Variants in SLC49A3 observed in about 807,000 individuals in gnomAD.
SLC49A3 encodes the protein solute carrier family 49 member 3.
SLC49A3 carries 50 observed loss-of-function variants against 43.8 expected under a neutral mutation model. The observed-to-expected ratio is 1.14, with a 90% CI of 0.91 to 1.45. SLC49A3 has a LOEUF of 1.45. Ranked by LOEUF, SLC49A3 falls within the 40% of genes most tolerant of loss-of-function variation. The pLI is 0.00. For missense variants in SLC49A3, 906 were observed against 774.1 expected (o/e 1.17, Z -2.02); for synonymous variants, 413 against 352.0 (o/e 1.17, Z -1.94).
rs1560168380 is a variant in SLC49A3, at chr4:683,770, G to A, written c.841-9C>T. ...CAGAGGCCGGAAAACCCCTGGAGGA[G>A]GCGAGAAGAGGCCAGGGCCCCAAGA... On this transcript the variant is annotated splice_polypyrimidine_tract_variant and intron_variant, in intron 6 of 9. Transcript: ENST00000322224. 2 of 1,552,052 alleles carry A rather than the reference G, an allele frequency of 1.3e-6. No homozygotes were observed. The highest frequency in any genetic ancestry group is 2.4e-5 in the East Asian group (1 of 41,414).
downstream of SLC49A3, chr4:681,131 G>T: frequency 2.5e-6 from 4 of 1,606,636 alleles, no homozygotes; most frequent in Non-Finnish European, 3.4e-6. Context: ...ACAAGATGAC[G>T]GCGGAAGAGG....
downstream of SLC49A3, among the ~76,000 whole-genome samples, chr4:679,735 G>T (rs1187263138): frequency 6.6e-6 from 1 of 152,200 alleles, no homozygotes; most frequent in African/African-American, 2.4e-5. Context: ...ACGGTTTGGG[G>T]TGAGGTGGAC....
chr4:685,209 A>G lies in SLC49A3; in HGVS notation c.586-353T>C. On this transcript the variant is annotated intron_variant, in intron 4 of 9. Coordinates refer to ENST00000322224, the MANE Select transcript of SLC49A3 (RefSeq NM_032219.4). This position sits in a 1 kb window ranked among gnomAD's most constrained non-coding sequence, Gnocchi z 4.3. Reference sequence around the variant, plus strand: ...CAGAGGCACACGTGCATACAGACTCACGCTCAGTACATACCCCCAAGCACA... The same window carrying G: ...CAGAGGCACACGTGCATACAGACTCGCGCTCAGTACATACCCCCAAGCACA... The G allele has an allele frequency of 2.7e-6, 1 of 374,314 alleles. No homozygotes were observed. Among genetic ancestry groups the G allele is most frequent in the South Asian group, 3.0e-5 (1 of 33,714 alleles). The allele number at this position is 374,314 out of a possible 1,614,324, so 23.2% of individuals were successfully genotyped here. A position where few individuals can be genotyped will look rare whatever the true frequency, so the allele number is the denominator to read the frequency against.
downstream of SLC49A3, chr4:680,163 C>T (rs1484779148): frequency 2.4e-5 from 19 of 792,710 alleles, no homozygotes; most frequent in African/African-American, 3.5e-5. Context: ...TGTGGGGCCC[C>T]GTCAGCCACC....
In SLC49A3 at chr4:682,058, G is replaced by A; in HGVS notation, c.1580C>T (p.Pro527Leu). Residue 527 changes from proline to leucine, a missense_variant, in exon 10 of 10, where the codon CCC (proline) becomes CTC (leucine). Pro to Leu is a moderately conservative substitution (Grantham distance 98). Coordinates refer to ENST00000322224, the MANE Select transcript of SLC49A3 (RefSeq NM_032219.4). ...GCCTGCGAGTCTGCCGGGGCGGGAG[G>A]GCGCGTCGGTGGCTGCTGGGCCTTG... is the stretch of plus-strand genomic sequence containing the variant. ...RAQGPAATDAPSRPGRLAGRV... is the reference protein window; with the variant it reads ...RAQGPAATDALSRPGRLAGRV... 1.4e-6 allele frequency: 2 copies of A among 1,413,864 alleles called. No individual in the cohort carries two copies. Among genetic ancestry groups the A allele is most frequent in the African/African-American group, 1.5e-5 (1 of 67,318 alleles). 87.6% of individuals were successfully genotyped at this position (1,413,864 alleles called of 1,614,324 possible). A position where few individuals can be genotyped will look rare whatever the true frequency, so the allele number is the denominator to read the frequency against.
chr4:689,949 G>A (rs1741736792), upstream of SLC49A3, among the ~76,000 whole-genome samples: 1 of 152,264 alleles, frequency 6.6e-6, no homozygotes, highest in East Asian at 1.9e-4. Context: ...GCTGAGGCCA[G>A]TATAGGGGTG....
Position 686,282 on chromosome 4 carries a change from C to G in SLC49A3, c.315G>C (p.Leu105=). The change falls in exon 3 of 10, where the codon CTG becomes CTC. Residue 105 remains leucine (L), a synonymous_variant. Coordinates refer to ENST00000322224, the MANE Select transcript of SLC49A3 (RefSeq NM_032219.4). ...LRAATILGAW[L]NFAGSVLRMV... ...TGCGTAGCACACTCCCGGCAAAGTT[C>G]AGCCACGCACCCAGGATGGTCTGCG... 1.9e-6 allele frequency: 3 copies of G among 1,613,322 alleles called. No individual in the cohort carries two copies. The highest frequency in any genetic ancestry group is 2.5e-6 in the Non-Finnish European group (3 of 1,180,012).
chr4:682,916 C>T lies in SLC49A3; in HGVS notation c.1152-26G>A, dbSNP rs371158058. ...CTGGACACACGTGGCCCTCAGCCCCCGCTGCACTGCCCACCCCCTCGGAGC... is the reference window on the plus strand; with the variant it reads ...CTGGACACACGTGGCCCTCAGCCCCTGCTGCACTGCCCACCCCCTCGGAGC... On this transcript the variant is annotated intron_variant, in intron 8 of 9. Coordinates refer to ENST00000322224, the MANE Select transcript of SLC49A3 (RefSeq NM_032219.4). The T allele has an allele frequency of 2.2e-5, 34 of 1,538,558 alleles. No homozygotes were observed. In the South Asian group the frequency reaches 2.4e-4, roughly 11 times the overall value.
chr4:684,922 C>T, intron 4 of SLC49A3, 66 bp from the exon 5 acceptor site: 1 of 1,541,162 alleles, frequency 6.5e-7, no homozygotes, highest in Non-Finnish European at 8.7e-7. Flanking sequence ...CGCAGCCCTG[C>T]CTGTCCCAGG....
chr4:678,769 A>T (rs746987345), downstream of SLC49A3: 5 of 1,609,216 alleles, frequency 3.1e-6, no homozygotes, highest in East Asian at 8.9e-5. Flanking sequence ...CAAGGAGGTG[A>T]GACTTTCCTG....
chr4:686,487 C>T, intron 2 of SLC49A3, 45 bp downstream of exon 2: 1 of 1,598,650 alleles, frequency 6.3e-7, no homozygotes. Flanking sequence ...ATGCGGGGGC[C>T]CCTGCACTGT....
chr4:685,134 G>A lies in SLC49A3; in HGVS notation c.586-278C>T. The A allele has an allele frequency of 1.9e-6, 1 of 515,092 alleles. No individual in the cohort carries two copies. Among genetic ancestry groups the A allele is most frequent in the Non-Finnish European group, 3.4e-6 (1 of 291,912 alleles). 31.9% of individuals were successfully genotyped at this position (515,092 alleles called of 1,614,324 possible). On this transcript the variant is annotated intron_variant, in intron 4 of 9. Transcript: ENST00000322224. This position sits in a 1 kb window ranked among gnomAD's most constrained non-coding sequence, Gnocchi z 4.3. ...CCAGGCTCCAGACTTACATCTCACT[G>A]CCAGCTGCACAGCCCATGATAGGGC...
intron 1 of SLC49A3, among the ~76,000 whole-genome samples, chr4:687,012 G>T (rs1741181302): frequency 6.6e-6 from 1 of 152,212 alleles, no homozygotes; most frequent in African/African-American, 2.4e-5. Flanking sequence ...GGGAAAGGTG[G>T]GCGTGACGGG....
At position 683,597 on chromosome 4, in the gene SLC49A3, G is replaced by A. The variant is rs1298841107; in HGVS notation, c.993+12C>T. ...CCCCCACAGGGCAGTCTTGGCTTGA[G>A]GAGACCCTCACCAGGGCAAAGGGCA... On this transcript the variant is annotated intron_variant, in intron 7 of 9. Transcript: ENST00000322224. 1.2e-6 allele frequency: 2 copies of A among 1,604,480 alleles called. No individual in the cohort carries two copies. Among genetic ancestry groups the A allele is most frequent in the Non-Finnish European group, 1.7e-6 (2 of 1,175,714 alleles).
At chr4:687,858 G>C (rs1172716084) in intron 1 of SLC49A3, 2 of 152,290 alleles carry the variant, frequency 1.3e-5, no homozygotes, top group Non-Finnish European at 2.9e-5. Context: ...GGCTGCAGAT[G>C]AGTAACCTCC....
At chr4:690,703 G>C (rs1741809627), upstream of SLC49A3, among the ~76,000 whole-genome samples, 1 of 152,044 alleles carries the variant, frequency 6.6e-6, no homozygotes, top group Non-Finnish European at 1.5e-5. Context: ...ATTGTCGAGG[G>C]GTGTCACCAT....
intron 6 of SLC49A3, among the ~76,000 whole-genome samples, chr4:684,072 A>G (rs1740467268): frequency 6.6e-6 from 1 of 152,246 alleles, no homozygotes; most frequent in Non-Finnish European, 1.5e-5. Flanking sequence ...CACTGATCCC[A>G]GAAGGCAGAG....
rs766983046 is a variant in SLC49A3, at chr4:684,491, G to T, written c.832C>A (p.His278Asn). 3.7e-6 allele frequency: 6 copies of T among 1,612,972 alleles called. No homozygotes were observed. The highest frequency in any genetic ancestry group is 5.1e-6 in the Non-Finnish European group (6 of 1,179,914). The change falls in exon 6 of 10, where the codon CAC becomes AAC. Residue 278 changes from histidine (H) to asparagine (N), a missense_variant. Physicochemically the swap from His to Asn is moderately conservative, Grantham distance 68. Transcript: ENST00000322224. Reference sequence around the variant, plus strand: ...GGTGGGGCCAGGCTCACACTGGAGTGGCCGCTTGCACAGAGGATCTGCTCC... The same window carrying T: ...GGTGGGGCCAGGCTCACACTGGAGTTGCCGCTTGCACAGAGGATCTGCTCC... ...LLEQILCASG[H>N]SSGFSGLCGA... is the part of the protein sequence containing the mutation.
At position 683,702 on chromosome 4, in the gene SLC49A3, A is replaced by C; in HGVS notation, c.900T>G (p.Ala300=). The C allele has an allele frequency of 6.2e-7, 1 of 1,600,740 alleles. No homozygotes were observed. The highest frequency in any genetic ancestry group is 8.5e-7 in the Non-Finnish European group (1 of 1,173,930). The change falls in exon 7 of 10, where the codon GCT becomes GCG. Residue 300 remains alanine, a synonymous_variant. Coordinates refer to ENST00000322224, the MANE Select transcript of SLC49A3 (RefSeq NM_032219.4). ...TGGTCCGGTCCACATAGGGGCCGAG[A>C]GCCAGTGCCCCCAGGATCCCAAACG... is the stretch of plus-strand genomic sequence containing the variant. ...FITFGILGAL[A]LGPYVDRTKH... is the part of the protein sequence containing the mutation.
Sources: allele counts gnomAD v4.1 joint callset (sites outside exome capture counted in the v4.1 genomes callset), GRCh38; gene constraint gnomAD v4.1.1; non-coding constraint Gnocchi (gnomAD v3.1); transcripts MANE v1.5; gene names NCBI Gene and HGNC (gene_info 2026-07-23, HGNC 2026-07-21).